STK33: variants seen among roughly 807,000 people sequenced by gnomAD.
STK33 encodes serine/threonine-protein kinase 33.
A neutral mutation model predicts 58.0 loss-of-function variants in STK33; 52 were observed. That is an observed-to-expected ratio of 0.90 (90% CI 0.72 to 1.13). STK33 has a LOEUF of 1.13. Among genes scored for constraint, STK33 ranks in the 50% most tolerant of loss-of-function variants. The pLI, the probability that STK33 is intolerant of heterozygous loss-of-function variation, is 0.00. For missense variants in STK33, 630 were observed against 604.2 expected (o/e 1.04, Z -0.45); for synonymous variants, 215 against 200.1 (o/e 1.07, Z -0.63).
chr11:8,477,557 A>T (rs897249964), intron 2 of STK33, among the ~76,000 whole-genome samples: 1 of 152,186 alleles, frequency 6.6e-6, no homozygotes, highest in Non-Finnish European at 1.5e-5. Flanking sequence ...TTTCATGATA[A>T]ACAGTACTCC....
intron 11 of STK33, among the ~76,000 whole-genome samples, chr11:8,448,101 G>A (rs1273608021): frequency 1.3e-5 from 2 of 152,118 alleles, no homozygotes; most frequent in Non-Finnish European, 1.5e-5. Flanking sequence ...TCTTCAAGGA[G>A]AACTACAAAC....
rs1016451808 is a variant in STK33, at chr11:8,459,237, T to C, written c.559-1758A>G. On this transcript the variant is annotated intron_variant, in intron 8 of 15. Coordinates refer to ENST00000687296, the MANE Select transcript of STK33 (RefSeq NM_001352389.2). The stretch of plus-strand genomic sequence containing the variant: ...CTTAGACTCACAAGAAACCATAGCA[T>C]AGTCAGACTGGATGATCAGTACCAT... Among the ~76,000 whole-genome samples, 8 of 152,192 alleles carry C rather than the reference T, an allele frequency of 5.3e-5. No homozygotes were observed. The East Asian group carries it at 1.3e-3, about 26-fold the overall frequency.
the STK33 span, among the ~76,000 whole-genome samples, chr11:8,358,827 G>A: frequency 6.6e-5 from 10 of 152,162 alleles, no homozygotes; most frequent in African/African-American, 1.7e-4. Context: ...ACACAGTCTC[G>A]TAATACCTTC....
intron 1 of STK33, among the ~76,000 whole-genome samples, chr11:8,490,935 G>A (rs1050531563): frequency 1.3e-5 from 2 of 152,180 alleles, no homozygotes; most frequent in African/African-American, 2.4e-5. Flanking sequence ...CCCATCTGTA[G>A]GTCACCAACA....
At chr11:8,519,773 C>T (rs1953210390) in intron 1 of STK33, among the ~76,000 whole-genome samples, 2 of 152,128 alleles carry the variant, frequency 1.3e-5, no homozygotes, top group South Asian at 2.1e-4. Flanking sequence ...GACACATACA[C>T]CCTCCCAAGA....
chr11:8,512,123 T>C (rs1418541272), intron 1 of STK33, among the ~76,000 whole-genome samples: 1 of 152,200 alleles, frequency 6.6e-6, no homozygotes, highest in Non-Finnish European at 1.5e-5. Context: ...TAATGAATTT[T>C]ACAGTAGTTT....
chr11:8,526,985 T>C (rs1954092333), intron 1 of STK33, among the ~76,000 whole-genome samples: 1 of 150,826 alleles, frequency 6.6e-6, no homozygotes, highest in Non-Finnish European at 1.5e-5. Context: ...TTTTTTTTTT[T>C]TTTGAGATTG....
At chr11:8,551,243 C>T (rs554020644) in intron 1 of STK33, among the ~76,000 whole-genome samples, 7 of 152,154 alleles carry the variant, frequency 4.6e-5, no homozygotes, top group African/African-American at 1.7e-4. Context: ...GATTCTCCTG[C>T]CTCGGCCTCC....
At chr11:8,397,886 T>C (rs904357155) in intron 15 of STK33, among the ~76,000 whole-genome samples, 3 of 151,858 alleles carry the variant, frequency 2.0e-5, no homozygotes, top group Non-Finnish European at 4.4e-5. Flanking sequence ...ATGAATGAAA[T>C]GAAGCAAGAA....
intron 1 of STK33, among the ~76,000 whole-genome samples, chr11:8,493,109 G>A (rs551162135): frequency 3.1e-4 from 47 of 152,200 alleles, no homozygotes; most frequent in African/African-American, 1.1e-3. Context: ...GAGCAGAACT[G>A]AAGGAGATAG....
At chr11:8,344,038 G>A in the STK33 span, among the ~76,000 whole-genome samples, 4 of 151,970 alleles carry the variant, frequency 2.6e-5, no homozygotes, top group African/African-American at 4.8e-5. Flanking sequence ...TTGCTCTGTC[G>A]AGCTCCCAGG....
chr11:8,481,823 G>T (rs796303995), intron 1 of STK33, among the ~76,000 whole-genome samples: 5 of 152,208 alleles, frequency 3.3e-5, no homozygotes, highest in African/African-American at 1.2e-4. Context: ...ATTTATTTTG[G>T]TGATGGACCA....
the STK33 span, among the ~76,000 whole-genome samples, chr11:8,375,886 G>A: frequency 1.1e-4 from 17 of 152,110 alleles, no homozygotes; most frequent in Non-Finnish European, 2.2e-4. Flanking sequence ...TAAAGGAAAG[G>A]GCAAATTGGA....
chr11:8,555,359 C>T lies in STK33; in HGVS notation c.-466+38724G>A, dbSNP rs1259974354. Reference sequence around the variant, plus strand: ...CTATAGTCAGTAATAGCATATTGCACGTTTAAAAATAATTAAGAAACTGGC... The same window carrying T: ...CTATAGTCAGTAATAGCATATTGCATGTTTAAAAATAATTAAGAAACTGGC... On this transcript the variant is annotated intron_variant, in intron 1 of 15. Transcript: ENST00000687296. 2.6e-5 allele frequency among the ~76,000 whole-genome samples: 4 copies of T among 152,166 alleles called. 1 individual carries two copies. Among genetic ancestry groups the T allele is most frequent in the Non-Finnish European group, 2.9e-5 (2 of 67,978 alleles).
intron 1 of STK33, among the ~76,000 whole-genome samples, chr11:8,509,801 C>A (rs1365285146): frequency 6.6e-6 from 1 of 152,116 alleles, no homozygotes; most frequent in African/African-American, 2.4e-5. Context: ...AGAATAATGG[C>A]CTCTAGATCC....
At chr11:8,516,752 G>C (rs573732303) in intron 1 of STK33, among the ~76,000 whole-genome samples, 1 of 152,332 alleles carries the variant, frequency 6.6e-6, no homozygotes, top group South Asian at 2.1e-4. Flanking sequence ...AGTGGTCTGA[G>C]ATTGAACTGC....
intron 14 of STK33, 71 bp from the exon 15 acceptor site, chr11:8,413,763 C>T (rs1252203351): frequency 5.9e-6 from 8 of 1,357,398 alleles, no homozygotes; most frequent in African/African-American, 2.9e-5. Context: ...CATCATTTAG[C>T]GAGACAGTCT....
intron 1 of STK33, among the ~76,000 whole-genome samples, chr11:8,582,114 C>A (rs923061394): frequency 6.6e-6 from 1 of 152,176 alleles, no homozygotes; most frequent in Non-Finnish European, 1.5e-5. Context: ...AATAAAACCA[C>A]CAATTTTAAT....
At chr11:8,517,556 T>A (rs1952917493) in intron 1 of STK33, among the ~76,000 whole-genome samples, 1 of 152,154 alleles carries the variant, frequency 6.6e-6, no homozygotes, top group Non-Finnish European at 1.5e-5. Flanking sequence ...TAAAGGAGGA[T>A]GTTCAAACCC....
Sources: gnomAD v4.1 joint callset for allele counts (sites outside exome capture counted in the v4.1 genomes callset) on GRCh38, gnomAD v4.1.1 for gene constraint, MANE v1.5 for transcripts, NCBI Gene and HGNC (gene_info 2026-07-23, HGNC 2026-07-21) for gene names.